Variants in NAA25 observed in about 807,000 individuals in gnomAD.
The protein encoded by NAA25 is N-alpha-acetyltransferase 25, NatB auxiliary subunit.
Under a neutral mutation model 132.5 loss-of-function variants are expected in NAA25, and 30 were observed. The observed-to-expected ratio is 0.23, with a 90% CI of 0.17 to 0.31. The LOEUF is 0.31. NAA25 is among the 10% of genes least tolerant of loss of function. The probability of loss-of-function intolerance (pLI) is 1.00; values close to 1 mark genes in which losing one functional copy is unlikely to be tolerated. For missense variants in NAA25, 771 were observed against 1,150.4 expected, an observed-to-expected ratio of 0.67 and a Z score of 4.77; for synonymous variants, 359 against 401.9, an observed-to-expected ratio of 0.89 and a Z score of 1.28.
intron 13 of NAA25, among the ~76,000 whole-genome samples, chr12:112,059,221 G>A (rs939518885): frequency 6.7e-6 from 1 of 150,374 alleles, no homozygotes; most frequent in African/African-American, 2.4e-5. Flanking sequence ...GCAGTGAGCT[G>A]AGATCACGCC....
intron 1 of NAA25, among the ~76,000 whole-genome samples, chr12:112,100,564 A>G (rs2079278897): frequency 6.7e-6 from 1 of 150,238 alleles, no homozygotes; most frequent in African/African-American, 2.5e-5. Context: ...AATCCTTTTA[A>G]TGTCATCCAC....
intron 16 of NAA25, 34 bp downstream of exon 16, chr12:112,048,258 C>G: frequency 6.3e-7 from 1 of 1,595,960 alleles, no homozygotes; most frequent in Non-Finnish European, 8.6e-7. Context: ...GATCTAATCC[C>G]TTAGTTCCTT....
At chr12:112,062,450 C>T (rs564634558) in intron 11 of NAA25, among the ~76,000 whole-genome samples, 21 of 149,198 alleles carry the variant, frequency 1.4e-4, no homozygotes, top group Middle Eastern at 7.2e-3. Flanking sequence ...GGGTGTGGTG[C>T]GCGGTGGCTC....
At chr12:112,037,915 C>CAACTAA (rs1277907143) in intron 22 of NAA25, among the ~76,000 whole-genome samples, 1 of 151,900 alleles carries the variant, frequency 6.6e-6, no homozygotes, top group Non-Finnish European at 1.5e-5. Flanking sequence ...GAAGGGTAAA[C>CAACTAA]ACACATGACA....
intron 6 of NAA25, 83 bp downstream of exon 6, chr12:112,078,551 A>C (rs1593807474): frequency 7.8e-7 from 1 of 1,274,000 alleles, no homozygotes; most frequent in Admixed American, 1.9e-5. Context: ...ACTGGAACAA[A>C]ACAACAGTTC....
At chr12:112,097,299 T>C (rs2079226604) in intron 1 of NAA25, 2 of 152,218 alleles carry the variant, frequency 1.3e-5, no homozygotes, top group Non-Finnish European at 1.5e-5. Flanking sequence ...AGTTGATTGA[T>C]GTGCAGCAAA....
At chr12:112,045,656 G>A (rs558097185) in intron 17 of NAA25, among the ~76,000 whole-genome samples, 1 of 151,776 alleles carries the variant, frequency 6.6e-6, no homozygotes, top group Non-Finnish European at 1.5e-5. Context: ...TTAGCCGGGC[G>A]TGGTGGCAGG....
Position 112,087,710 on chromosome 12 carries a change from T to C in NAA25, c.375A>G (p.Arg125=). ...GTTGCATTTTCTTGTATTCACCCAC[T>C]CTGGCATAGGCCATGAAGAGGTGAG... ...YHSHLFMAYA[R]VGEYKKMQQA... Residue 125 remains arginine, a synonymous_variant, in exon 4 of 24, where the codon AGA becomes AGG. Transcript: ENST00000261745. 4.3e-6 allele frequency: 7 copies of C among 1,613,890 alleles called. No individual in the cohort carries two copies. The highest frequency in any genetic ancestry group is 5.9e-6 in the Non-Finnish European group (7 of 1,179,790).
rs185554902 is a variant in NAA25 at position 112,053,072 on chromosome 12, A to G, written c.1728+486T>C. On this transcript the variant is annotated intron_variant, in intron 15 of 23. Coordinates refer to ENST00000261745, the MANE Select transcript of NAA25 (RefSeq NM_024953.4). ...TATTTATTGCTACTTTAAAAAACAT[A>G]TTATTCACCTAGGTTTCTCGGAATG... Among the ~76,000 whole-genome samples the G allele has an allele frequency of 1.7e-3, 263 of 152,356 alleles. 13 individuals are homozygous for G. The highest frequency in any genetic ancestry group is 0.016 in the Admixed American group (239 of 15,306).
At chr12:112,033,447 C>A (rs1256409107) in intron 22 of NAA25, 68 bp from the exon 23 acceptor site, 12 of 1,406,206 alleles carry the variant, frequency 8.5e-6, no homozygotes, top group African/African-American at 1.5e-5. Context: ...ATCACAAAAG[C>A]TACTGAAAGA....
At chr12:112,075,367 T>G (rs1255006121) in intron 8 of NAA25, among the ~76,000 whole-genome samples, 1 of 152,144 alleles carries the variant, frequency 6.6e-6, no homozygotes, top group East Asian at 1.9e-4. Context: ...TTTTGTATTT[T>G]CAGTAAAGAC....
chr12:112,072,132 C>A, intron 9 of NAA25, 68 bp from the exon 10 acceptor site: 8 of 1,301,470 alleles, frequency 6.1e-6, no homozygotes, highest in South Asian at 3.0e-5. Flanking sequence ...TAAAGTCAAG[C>A]CAAACTCATT....
At chr12:112,057,813 C>T (rs2078569877) in intron 13 of NAA25, among the ~76,000 whole-genome samples, 1 of 152,190 alleles carries the variant, frequency 6.6e-6, no homozygotes, top group African/African-American at 2.4e-5. Flanking sequence ...AACCCTGTCT[C>T]TCCTAAAAAT....
At chr12:112,097,642 CTT>C (rs1037397909) in intron 1 of NAA25, among the ~76,000 whole-genome samples, 3 of 150,496 alleles carry the variant, frequency 2.0e-5, no homozygotes, top group African/African-American at 7.3e-5. Flanking sequence ...TCTCTTGACT[CTT>C]TATTCACACA....
chr12:112,076,841 T>C (rs2078901507), intron 7 of NAA25, among the ~76,000 whole-genome samples: 1 of 150,614 alleles, frequency 6.6e-6, no homozygotes, highest in Non-Finnish European at 1.5e-5. Flanking sequence ...ACAAAAAATA[T>C]AAAAATTAGC....
intron 19 of NAA25, among the ~76,000 whole-genome samples, chr12:112,042,695 C>T (rs896163032): frequency 2.0e-5 from 3 of 152,142 alleles, no homozygotes; most frequent in Admixed American, 1.3e-4. Context: ...TTAGTAGACA[C>T]GGGCTTTTGC....
In NAA25 at chr12:112,083,738, T is replaced by C. The variant is rs569967275; in HGVS notation, c.403-2604A>G. Among the ~76,000 whole-genome samples the C allele has an allele frequency of 2.0e-5, 3 of 152,138 alleles. No individual in the cohort carries two copies. The East Asian group carries it at 5.8e-4, about 30-fold the overall frequency. On this transcript the variant is annotated intron_variant, in intron 4 of 23. Coordinates refer to ENST00000261745, the MANE Select transcript of NAA25 (RefSeq NM_024953.4). ...AAAAGAAAAAATAATAATTTTGTCT[T>C]TGAGTTAGAAAACCGGCTGGGTACA...
intron 11 of NAA25, among the ~76,000 whole-genome samples, chr12:112,067,379 C>T (rs1439158314): frequency 6.6e-6 from 1 of 152,146 alleles, no homozygotes; most frequent in East Asian, 1.9e-4. Context: ...ATATAAAAAT[C>T]TCTGCAAACT....
rs544139776 is a variant in NAA25, at chr12:112,036,753, G to A, written c.2649+2476C>T. Among the ~76,000 whole-genome samples, 3 of 151,832 alleles carry A rather than the reference G, an allele frequency of 2.0e-5. No homozygotes were observed. The East Asian group carries it at 5.8e-4, about 29-fold the overall frequency. On this transcript the variant is annotated intron_variant, in intron 22 of 23. Transcript: ENST00000261745. ...ATCCCACCTACTCAGGAGGCCGAGG[G>A]AGGAGAATCGCTTGAAACTGGAAAG...
Sources: allele counts gnomAD v4.1 joint callset (sites outside exome capture counted in the v4.1 genomes callset), GRCh38; gene constraint gnomAD v4.1.1; transcripts MANE v1.5; gene names NCBI Gene and HGNC (gene_info 2026-07-23, HGNC 2026-07-21).